Variants in DPP10 observed in about 807,000 individuals in gnomAD.
DPP10 encodes the protein dipeptidyl peptidase like 10, also known as inactive dipeptidyl peptidase 10.
A neutral mutation model predicts 120.9 loss-of-function variants in DPP10; 33 were observed. The ratio of observed to expected loss-of-function variants is 0.27; its 90% CI spans 0.21 to 0.37. DPP10 has a LOEUF of 0.37. Ranked by LOEUF, DPP10 falls within the 10% of genes least tolerant of loss-of-function variation. The pLI, the probability that DPP10 is intolerant of heterozygous loss-of-function variation, is 1.00. For missense variants in DPP10, 816 were observed against 942.8 expected, an observed-to-expected ratio of 0.87 and a Z score of 1.76; for synonymous variants, 337 against 326.1, an observed-to-expected ratio of 1.03 and a Z score of -0.36.
intron 1 of DPP10, among the ~76,000 whole-genome samples, chr2:114,732,814 T>C (rs930971741): frequency 1.3e-5 from 2 of 152,172 alleles, no homozygotes; most frequent in Non-Finnish European, 2.9e-5. Context: ...TTAATTTTTA[T>C]AATGATGCTG....
At chr2:115,318,631 T>C (rs1160510450) in intron 2 of DPP10, among the ~76,000 whole-genome samples, 1 of 152,120 alleles carries the variant, frequency 6.6e-6, no homozygotes, top group African/African-American at 2.4e-5. Context: ...GTAAAAGTTT[T>C]TCATACTTGG....
intron 17 of DPP10, among the ~76,000 whole-genome samples, chr2:115,786,263 G>T (rs1015956555): frequency 6.6e-6 from 1 of 152,114 alleles, no homozygotes; most frequent in Non-Finnish European, 1.5e-5. Context: ...ACATAAGAAC[G>T]CATAAAAGTG....
At chr2:115,721,365 A>G (rs1226881180) in intron 7 of DPP10, among the ~76,000 whole-genome samples, 6 of 152,216 alleles carry the variant, frequency 3.9e-5, no homozygotes, top group Admixed American at 3.9e-4. Context: ...TATGTGATCT[A>G]GCCTTCAAGC....
chr2:114,697,245 T>G (rs1255351133), intron 1 of DPP10, among the ~76,000 whole-genome samples: 1 of 152,120 alleles, frequency 6.6e-6, no homozygotes, highest in Non-Finnish European at 1.5e-5. Context: ...AATTACAGTC[T>G]TGTAGTAACT....
At chr2:115,289,721 C>A (rs1328726924) in intron 1 of DPP10, among the ~76,000 whole-genome samples, 1 of 151,996 alleles carries the variant, frequency 6.6e-6, no homozygotes, top group African/African-American at 2.4e-5. Context: ...TAATTTTCAA[C>A]AAAGCAGACA....
chr2:114,601,818 C>T (rs1692390172), intron 1 of DPP10, among the ~76,000 whole-genome samples: 1 of 151,890 alleles, frequency 6.6e-6, no homozygotes, highest in Non-Finnish European at 1.5e-5. Context: ...TAAATGGTGT[C>T]ATTACTTCAT....
chr2:115,742,970 C>T (rs781328668), intron 9 of DPP10, among the ~76,000 whole-genome samples: 4 of 151,470 alleles, frequency 2.6e-5, no homozygotes, highest in South Asian at 2.1e-4. Flanking sequence ...AACAGATGCA[C>T]GGTTCTATCC....
chr2:115,813,682 C>T (rs1204818194), intron 19 of DPP10, among the ~76,000 whole-genome samples: 1 of 152,210 alleles, frequency 6.6e-6, no homozygotes, highest in African/African-American at 2.4e-5. Context: ...GGATTCCACA[C>T]AACCCCTGTA....
chr2:114,780,358 T>G (rs1682207721), intron 1 of DPP10, among the ~76,000 whole-genome samples: 1 of 152,158 alleles, frequency 6.6e-6, no homozygotes, highest in South Asian at 2.1e-4. Flanking sequence ...ATCCTTCATG[T>G]GTGATCTTTA....
At chr2:115,528,278 C>T (rs2078252859) in intron 5 of DPP10, among the ~76,000 whole-genome samples, 1 of 151,626 alleles carries the variant, frequency 6.6e-6, no homozygotes, top group African/African-American at 2.4e-5. Context: ...TTAATGGGTA[C>T]AGCACACCAA....
intron 5 of DPP10, among the ~76,000 whole-genome samples, chr2:115,614,694 C>T (rs969455106): frequency 2.0e-5 from 3 of 152,130 alleles, no homozygotes; most frequent in African/African-American, 7.2e-5. Context: ...CGTAAGCAAC[C>T]GTGCCAGGCT....
chr2:115,162,121 G>T, intron 1 of DPP10: 3 of 1,516,650 alleles, frequency 2.0e-6, no homozygotes, highest in Non-Finnish European at 2.6e-6. Context: ...GGGCTCCCGC[G>T]CCTCCCTCTT....
At chr2:115,625,836 A>G (rs930008870) in intron 5 of DPP10, among the ~76,000 whole-genome samples, 2 of 152,052 alleles carry the variant, frequency 1.3e-5, no homozygotes, top group Non-Finnish European at 2.9e-5. Flanking sequence ...AAAAGAATGA[A>G]GAAAGTTTTC....
At chr2:115,572,223 T>G (rs936891609) in intron 5 of DPP10, among the ~76,000 whole-genome samples, 2 of 152,154 alleles carry the variant, frequency 1.3e-5, no homozygotes, top group African/African-American at 4.8e-5. Flanking sequence ...ACATTTTTTT[T>G]TTTTGCATCA....
chr2:115,145,002 C>T (rs932986674), intron 1 of DPP10: 1 of 151,906 alleles, frequency 6.6e-6, no homozygotes, highest in Non-Finnish European at 1.5e-5. Context: ...CTGATTGAAG[C>T]TTATTCACAC....
intron 1 of DPP10, among the ~76,000 whole-genome samples, chr2:114,799,716 T>G (rs1158757070): frequency 6.6e-6 from 1 of 152,204 alleles, no homozygotes; most frequent in Non-Finnish European, 1.5e-5. Flanking sequence ...AGTTTTTGAC[T>G]CAAAGGCCCT....
At chr2:115,123,118 A>G (rs1258297098) in intron 1 of DPP10, among the ~76,000 whole-genome samples, 1 of 152,174 alleles carries the variant, frequency 6.6e-6, no homozygotes, top group Non-Finnish European at 1.5e-5. Flanking sequence ...GCAGCAAATC[A>G]ATCCTTGCCT....
intron 5 of DPP10, among the ~76,000 whole-genome samples, chr2:115,626,621 G>A (rs182130575): frequency 1.3e-5 from 2 of 152,108 alleles, no homozygotes; most frequent in African/African-American, 4.8e-5. Context: ...AAGAATTAGT[G>A]AGTAAATGCA....
chr2:114,710,709 C>T lies in DPP10; in HGVS notation c.60+267871C>T, dbSNP rs1386475163. Among the ~76,000 whole-genome samples, 2 of 152,210 alleles carry T rather than the reference C, an allele frequency of 1.3e-5. 1 individual carries two copies. The highest frequency in any genetic ancestry group is 1.3e-4 in the Admixed American group (2 of 15,292). Reference sequence around the variant, plus strand: ...GCAGACAGTTGAGATCATGACACTGCACTCCAGCCTGGGCAACAGAGCAAG... The same window carrying T: ...GCAGACAGTTGAGATCATGACACTGTACTCCAGCCTGGGCAACAGAGCAAG... On this transcript the variant is annotated intron_variant, in intron 1 of 25. Transcript: ENST00000410059.
Sources: allele counts gnomAD v4.1 joint callset (sites outside exome capture counted in the v4.1 genomes callset), GRCh38; gene constraint gnomAD v4.1.1; transcripts MANE v1.5; gene names NCBI Gene and HGNC (gene_info 2026-07-23, HGNC 2026-07-21).